Variants in SLC25A17 observed in about 807,000 individuals in gnomAD.
SLC25A17 encodes solute carrier family 25 member 17.
SLC25A17 carries 26 observed loss-of-function variants against 38.5 expected under a neutral mutation model. The observed-to-expected ratio is 0.68, with a 90% CI of 0.50 to 0.94. The LOEUF (loss-of-function observed/expected upper bound fraction) is 0.94. Ranked by LOEUF, SLC25A17 falls within the 40% of genes least tolerant of loss-of-function variation. The probability of loss-of-function intolerance (pLI) is 0.00; values close to 1 mark genes in which losing one functional copy is unlikely to be tolerated. For missense variants in SLC25A17, 333 were observed against 372.7 expected (o/e 0.89, Z 0.88); for synonymous variants, 139 against 136.2 (o/e 1.02, Z -0.14).
intron 2 of SLC25A17, among the ~76,000 whole-genome samples, chr22:40,794,819 A>G (rs2057414488): frequency 6.6e-6 from 1 of 152,026 alleles, no homozygotes; most frequent in Non-Finnish European, 1.5e-5. Context: ...GGGTTTCGCA[A>G]TTTTGGCCAG....
At chr22:40,792,777 C>A in intron 3 of SLC25A17, 101 bp from the exon 4 acceptor site, 1 of 1,193,464 alleles carries the variant, frequency 8.4e-7, no homozygotes, top group Non-Finnish European at 1.2e-6. Flanking sequence ...TGGTCTCAAG[C>A]TTCACTCCTA....
chr22:40,793,810 C>A (rs2057404313), intron 3 of SLC25A17, among the ~76,000 whole-genome samples: 1 of 152,120 alleles, frequency 6.6e-6, no homozygotes, highest in Non-Finnish European at 1.5e-5. Context: ...CGGGGTTTCT[C>A]CATGTTGGTC....
rs375925295 is a variant in SLC25A17 at position 40,777,138 on chromosome 22, G to A, written c.598-3C>T. 3.7e-6 allele frequency: 6 copies of A among 1,614,028 alleles called. No individual in the cohort carries two copies. Among genetic ancestry groups the A allele is most frequent in the Middle Eastern group, 1.6e-4 (1 of 6,062 alleles). On this transcript the variant is annotated splice_region_variant and splice_polypyrimidine_tract_variant and intron_variant, in intron 6 of 8. Coordinates refer to ENST00000435456, the MANE Select transcript of SLC25A17 (RefSeq NM_006358.4). ...ATGAACACATCCAAGGAAGAAAGCT[G>A]GAAAGCAAAGGAAGAACAAACCATA...
intron 4 of SLC25A17, chr22:40,780,361 T>C (rs1434608389): frequency 6.6e-6 from 1 of 152,232 alleles, no homozygotes; most frequent in East Asian, 1.9e-4. Flanking sequence ...TTTTTATAGA[T>C]TCACATAACA....
At chr22:40,787,966 G>T (rs2057353219) in intron 4 of SLC25A17, among the ~76,000 whole-genome samples, 2 of 152,184 alleles carry the variant, frequency 1.3e-5, no homozygotes, top group African/African-American at 2.4e-5. Flanking sequence ...ATGTTGCCGA[G>T]ATTGGTCTTG....
chr22:40,813,754 CCTAGCATCATA>C (rs886201057), intron 1 of SLC25A17: 6 of 152,402 alleles, frequency 3.9e-5, no homozygotes, highest in Non-Finnish European at 7.3e-5. Context: ...ATGGTTGGCA[CCTAGCATCATA>C]CCAGGCACAC....
intron 3 of SLC25A17, among the ~76,000 whole-genome samples, chr22:40,793,809 TCCATG>T (rs1210828422): frequency 6.6e-6 from 1 of 152,098 alleles, no homozygotes; most frequent in Non-Finnish European, 1.5e-5. Context: ...ACGGGGTTTC[TCCATG>T]TTGGTCAGGC....
rs757630538 is a variant in SLC25A17, at chr22:40,769,991, A to G, written c.*843T>C. Reference sequence around the variant, plus strand: ...GAGATAATATCCAGACCTCAACAAGATATCTGCTCCCCTTCTCATTTTTGT... The same window carrying G: ...GAGATAATATCCAGACCTCAACAAGGTATCTGCTCCCCTTCTCATTTTTGT... On this transcript the variant is annotated 3_prime_UTR_variant, in exon 9 of 9. Transcript: ENST00000435456. The G allele has an allele frequency of 2.6e-5, 4 of 152,182 alleles. No homozygotes were observed. Among genetic ancestry groups the G allele is most frequent in the Admixed American group, 6.6e-5 (1 of 15,264 alleles). The allele number at this position is 152,182 out of a possible 1,614,324, so 9.4% of individuals were successfully genotyped here. A position where few individuals can be genotyped will look rare whatever the true frequency, so the allele number is the denominator to read the frequency against.
chr22:40,782,226 A>G (rs2057301510), intron 4 of SLC25A17, among the ~76,000 whole-genome samples: 2 of 151,472 alleles, frequency 1.3e-5, no homozygotes. Context: ...TCTCAAAACA[A>G]CAACAACAAC....
At chr22:40,806,494 A>G (rs139995071) in intron 1 of SLC25A17, among the ~76,000 whole-genome samples, 48 of 152,280 alleles carry the variant, frequency 3.2e-4, no homozygotes, top group African/African-American at 1.0e-3. Context: ...GGCCAGAAAG[A>G]AGATTAAAAA....
At chr22:40,802,125 C>T (rs2057489737) in intron 1 of SLC25A17, among the ~76,000 whole-genome samples, 1 of 152,078 alleles carries the variant, frequency 6.6e-6, no homozygotes, top group Non-Finnish European at 1.5e-5. Flanking sequence ...ACTGCATAGA[C>T]AGGGCATCTC....
At chr22:40,791,203 C>T (rs1283055529) in intron 4 of SLC25A17, among the ~76,000 whole-genome samples, 1 of 152,078 alleles carries the variant, frequency 6.6e-6, no homozygotes, top group African/African-American at 2.4e-5. Context: ...TTCTTGATGG[C>T]CAAGCAGATG....
chr22:40,805,781 C>T (rs2057524664), intron 1 of SLC25A17, among the ~76,000 whole-genome samples: 1 of 151,976 alleles, frequency 6.6e-6, no homozygotes, highest in Admixed American at 6.6e-5. Context: ...TCTGTGAGAC[C>T]CACATCAGTC....
chr22:40,792,779 T>G, intron 3 of SLC25A17, 103 bp from the exon 4 acceptor site: 1 of 1,169,682 alleles, frequency 8.5e-7, no homozygotes, highest in Non-Finnish European at 1.2e-6. Flanking sequence ...GTCTCAAGCT[T>G]CACTCCTACA....
chr22:40,808,408 T>TTACA lies in SLC25A17; in HGVS notation c.55-9329_55-9326dup, dbSNP rs2057548871. On this transcript the variant is annotated intron_variant, in intron 1 of 8. Transcript: ENST00000435456. ...CAAAGCCAGAGTGGCAGAGGCAAGG[T>TTACA]TACAACCAAGATCTCTGACTCCTAC... is the stretch of plus-strand genomic sequence containing the variant. Among the ~76,000 whole-genome samples, 3 of 152,258 alleles carry TTACA rather than the reference T, an allele frequency of 2.0e-5. No individual in the cohort carries two copies. In the South Asian group the frequency reaches 6.2e-4, roughly 32 times the overall value.
intron 1 of SLC25A17, among the ~76,000 whole-genome samples, chr22:40,814,846 G>A (rs944003437): frequency 2.0e-5 from 3 of 150,704 alleles, no homozygotes; most frequent in Non-Finnish European, 2.9e-5. Context: ...TTGAGACGGA[G>A]TCTTGCTCTG....
chr22:40,797,795 G>A (rs931588315), intron 2 of SLC25A17, among the ~76,000 whole-genome samples: 14 of 152,206 alleles, frequency 9.2e-5, no homozygotes, highest in African/African-American at 2.7e-4. Context: ...ACTAGACTGG[G>A]GTGGAGGCCG....
intron 4 of SLC25A17, chr22:40,779,512 A>G: frequency 7.4e-6 from 3 of 406,734 alleles, no homozygotes; most frequent in East Asian, 3.9e-5. Flanking sequence ...GTCCATGACA[A>G]TATCAGATAA....
intron 8 of SLC25A17, among the ~76,000 whole-genome samples, chr22:40,772,400 G>A (rs2057192744): frequency 6.6e-6 from 1 of 152,128 alleles, no homozygotes; most frequent in Non-Finnish European, 1.5e-5. Context: ...GACCTCCTGG[G>A]TTCAAGCAAT....
Sources: allele counts gnomAD v4.1 joint callset (sites outside exome capture counted in the v4.1 genomes callset), GRCh38; gene constraint gnomAD v4.1.1; transcripts MANE v1.5; gene names NCBI Gene and HGNC (gene_info 2026-07-23, HGNC 2026-07-21).